MBNL3: variants seen among roughly 807,000 people sequenced by gnomAD.
The protein encoded by MBNL3 is muscleblind-like protein 3.
Under a neutral mutation model 24.5 loss-of-function variants are expected in MBNL3, and 6 were observed. The observed-to-expected ratio is 0.25, with a 90% CI of 0.13 to 0.48. MBNL3 has a LOEUF of 0.48. Among genes scored for constraint, MBNL3 ranks in the 20% least tolerant of loss-of-function variants. MBNL3 has a pLI of 0.99. For synonymous variants in MBNL3, 100 were observed against 101.7 expected, an observed-to-expected ratio of 0.98 and a Z score of 0.10; for missense variants, 230 against 293.5, an observed-to-expected ratio of 0.78 and a Z score of 1.58.
intron 7 of MBNL3, among the ~76,000 whole-genome samples, chrX:132,384,232 C>T (rs1935569522): frequency 8.9e-6 from 1 of 112,191 alleles, no homozygotes; most frequent in Non-Finnish European, 1.9e-5. Flanking sequence ...AACATAGGAA[C>T]ATTGAATGCT....
At chrX:132,489,824 G>A (rs1262890764), upstream of MBNL3, 1 of 110,603 alleles carries the variant, frequency 9.0e-6, no homozygotes, top group Non-Finnish European at 1.9e-5. Flanking sequence ...CTGGCTCCGC[G>A]CGCCGCTGCG....
At chrX:132,403,546 T>G (rs1410771044) in intron 3 of MBNL3, among the ~76,000 whole-genome samples, 1 of 111,722 alleles carries the variant, frequency 9.0e-6, no homozygotes, top group African/African-American at 3.3e-5. Flanking sequence ...GGAAACATAT[T>G]CTAACATAGA....
chrX:132,461,521 G>C (rs1183629772), intron 1 of MBNL3, among the ~76,000 whole-genome samples: 1 of 111,309 alleles, frequency 9.0e-6, no homozygotes, highest in African/African-American at 3.3e-5. Flanking sequence ...ATGCATACAA[G>C]ATAGTTTCTT....
intron 7 of MBNL3, among the ~76,000 whole-genome samples, 170 bp downstream of exon 7, chrX:132,384,493 T>C (rs1182575057): frequency 4.5e-5 from 5 of 111,763 alleles, no homozygotes; most frequent in African/African-American, 1.6e-4. Flanking sequence ...CTTGAGAAAG[T>C]AGGACTATTT....
chrX:132,382,924 T>C (rs1569410203), intron 7 of MBNL3, among the ~76,000 whole-genome samples: 1 of 112,283 alleles, frequency 8.9e-6, no homozygotes, highest in African/African-American at 3.2e-5. Context: ...ACTTTGGCCA[T>C]TTATCAAACA....
chrX:132,409,669 T>C lies in MBNL3; in HGVS notation c.178-3277A>G, dbSNP rs543730880. 3.8e-4 allele frequency among the ~76,000 whole-genome samples: 42 copies of C among 111,442 alleles called. No homozygotes were observed. The South Asian group carries it at 0.015, about 40-fold the overall frequency. On this transcript the variant is annotated intron_variant, in intron 2 of 8. Coordinates refer to ENST00000370853, the MANE Select transcript of MBNL3 (RefSeq NM_001386889.1). ...CATGCCTTAAACGACTCTGTAAACG[T>C]ACCTACAACAGTCGCCATCCTCTGG... is the stretch of plus-strand genomic sequence containing the variant.
chrX:132,469,690 A>G (rs1458895323), intron 1 of MBNL3, among the ~76,000 whole-genome samples: 2 of 112,403 alleles, frequency 1.8e-5, no homozygotes, highest in Non-Finnish European at 3.8e-5. Context: ...AGTCAGTACA[A>G]TTCTTAATAA....
At chrX:132,421,705 C>T (rs1299081024) in intron 2 of MBNL3, among the ~76,000 whole-genome samples, 1 of 111,762 alleles carries the variant, frequency 8.9e-6, no homozygotes, top group African/African-American at 3.2e-5. Context: ...ACTTTAAAAT[C>T]ATAATGAATG....
intron 1 of MBNL3, among the ~76,000 whole-genome samples, chrX:132,470,758 G>A (rs1287857835): frequency 2.7e-5 from 3 of 111,565 alleles, no homozygotes; most frequent in Non-Finnish European, 5.6e-5. Context: ...GAAGTGAATT[G>A]TAATGTCTGT....
chrX:132,393,286 G>A (rs1937484120), intron 3 of MBNL3, among the ~76,000 whole-genome samples: 2 of 109,573 alleles, frequency 1.8e-5, no homozygotes, highest in South Asian at 7.9e-4. Flanking sequence ...TTCAAAAGAA[G>A]GCACTAGAAA....
At chrX:132,454,766 A>T (rs773689540) in intron 1 of MBNL3, among the ~76,000 whole-genome samples, 2 of 112,329 alleles carry the variant, frequency 1.8e-5, no homozygotes, top group Non-Finnish European at 3.8e-5. Context: ...CATATCTACA[A>T]ACCAACTGCC....
intron 7 of MBNL3, among the ~76,000 whole-genome samples, chrX:132,382,503 T>A (rs1935197464): frequency 8.9e-6 from 1 of 111,912 alleles, no homozygotes; most frequent in East Asian, 2.8e-4. Flanking sequence ...GTTACCAATA[T>A]GGAAAATGGA....
Position 132,378,743 on chromosome X carries a change from A to C in MBNL3, c.*923T>G, listed in dbSNP as rs992553206. The C allele has an allele frequency of 4.5e-5, 5 of 112,020 alleles. No homozygotes were observed. The highest frequency in any genetic ancestry group is 1.9e-4 in the Admixed American group (2 of 10,507). The allele number at this position is 112,020 out of a possible 1,213,427, so 9.2% of individuals were successfully genotyped here. A position where few individuals can be genotyped will look rare whatever the true frequency, so the allele number is the denominator to read the frequency against. ...ATGGGATTCTCAAGCCACACACACA[A>C]AAAATCTAATGAGCACTTTACATAA... is the stretch of plus-strand genomic sequence containing the variant. On this transcript the variant is annotated 3_prime_UTR_variant, in exon 9 of 9. Coordinates refer to ENST00000370853, the MANE Select transcript of MBNL3 (RefSeq NM_001386889.1).
At chrX:132,427,120 C>T (rs1236409019) in intron 2 of MBNL3, among the ~76,000 whole-genome samples, 1 of 111,485 alleles carries the variant, frequency 9.0e-6, no homozygotes, top group Non-Finnish European at 1.9e-5. Flanking sequence ...GCAGCATTTT[C>T]GATGTTTATG....
At chrX:132,389,385 A>G (rs1189248555) in intron 5 of MBNL3, among the ~76,000 whole-genome samples, 1 of 112,132 alleles carries the variant, frequency 8.9e-6, no homozygotes, top group Non-Finnish European at 1.9e-5. Flanking sequence ...GACAGGAGAC[A>G]TGAGAGTCAC....
chrX:132,397,056 C>G (rs1406767275), intron 3 of MBNL3, among the ~76,000 whole-genome samples: 2 of 100,069 alleles, frequency 2.0e-5, no homozygotes, highest in Non-Finnish European at 4.0e-5. Context: ...TAAACCAATA[C>G]TAAGGTATTC....
In MBNL3 at chrX:132,379,662, C is replaced by A. The variant is rs769259526; in HGVS notation, c.*4G>T. ...AAGATTCTGATACTCCATAACTCTG[C>A]TGTTCAGAATTTCAGCTGAAATGGA... On this transcript the variant is annotated 3_prime_UTR_variant, in exon 9 of 9. Coordinates refer to ENST00000370853, the MANE Select transcript of MBNL3 (RefSeq NM_001386889.1). The A allele has an allele frequency of 8.4e-7, 1 of 1,191,962 alleles. No homozygotes were observed. The highest frequency in any genetic ancestry group is 1.8e-5 in the South Asian group (1 of 55,659).
At chrX:132,487,714 A>C (rs953416770) in intron 1 of MBNL3, among the ~76,000 whole-genome samples, 1 of 112,356 alleles carries the variant, frequency 8.9e-6, no homozygotes, top group South Asian at 3.7e-4. Flanking sequence ...ACATTAGAAA[A>C]AAGTTAAAAA....
intron 1 of MBNL3, among the ~76,000 whole-genome samples, chrX:132,441,857 C>T (rs1285982932): frequency 8.9e-6 from 1 of 111,909 alleles, no homozygotes; most frequent in Non-Finnish European, 1.9e-5. Context: ...TGTCCATTAC[C>T]AGATGAATGG....
Sources: allele counts gnomAD v4.1 joint callset (sites outside exome capture counted in the v4.1 genomes callset), GRCh38; gene constraint gnomAD v4.1.1; transcripts MANE v1.5; gene names NCBI Gene and HGNC (gene_info 2026-07-23, HGNC 2026-07-21).